DNER: variants seen among roughly 807,000 people sequenced by gnomAD.
The protein encoded by DNER is delta/notch like EGF repeat containing.
In DNER, 33 loss-of-function variants were observed where a neutral mutation model predicts 78.2. That is an observed-to-expected ratio of 0.42 (90% CI 0.32 to 0.56). DNER has a LOEUF of 0.56. DNER is among the 20% of genes least tolerant of loss of function. The pLI, the probability that DNER is intolerant of heterozygous loss-of-function variation, is 0.11. For synonymous variants in DNER, 417 were observed against 384.8 expected (o/e 1.08, Z -0.98); for missense variants, 918 against 975.3 (o/e 0.94, Z 0.78).
At chr2:229,634,752 T>C (rs756954073) in intron 1 of DNER, among the ~76,000 whole-genome samples, 40 of 152,132 alleles carry the variant, frequency 2.6e-4, no homozygotes, top group Non-Finnish European at 2.2e-4. Context: ...AAGGAGTCTG[T>C]CATCACCATG....
intron 1 of DNER, among the ~76,000 whole-genome samples, chr2:229,699,564 C>T (rs1386987303): frequency 6.6e-6 from 1 of 152,086 alleles, no homozygotes; most frequent in Non-Finnish European, 1.5e-5. Context: ...AGGGTTTTGC[C>T]TTGTTGCCCA....
intron 1 of DNER, among the ~76,000 whole-genome samples, chr2:229,707,076 C>T (rs1347556580): frequency 2.0e-5 from 3 of 151,480 alleles, no homozygotes; most frequent in Non-Finnish European, 2.9e-5. Context: ...TGCAGTGATG[C>T]GATCTCGGCT....
At chr2:229,627,619 G>C (rs1343570091) in intron 1 of DNER, among the ~76,000 whole-genome samples, 4 of 152,236 alleles carry the variant, frequency 2.6e-5, no homozygotes, top group African/African-American at 9.6e-5. Context: ...AGGATGCCAT[G>C]TGGAAGAAAG....
In DNER at chr2:229,470,142, T is replaced by G. The variant is rs141538403; in HGVS notation, c.1261+6998A>C. Among the ~76,000 whole-genome samples the G allele has an allele frequency of 3.3e-4, 50 of 152,338 alleles. 2 individuals carry two copies. The East Asian group carries it at 9.6e-3, about 29-fold the overall frequency. On this transcript the variant is annotated intron_variant, in intron 7 of 12. Coordinates refer to ENST00000341772, the MANE Select transcript of DNER (RefSeq NM_139072.4). ...TTTTAAAACTAAAATGTTGTAAGAA[T>G]GCTAAATAATTGTCACGTGCAGATC...
At chr2:229,446,585 T>C (rs1293605050) in intron 8 of DNER, among the ~76,000 whole-genome samples, 1 of 152,194 alleles carries the variant, frequency 6.6e-6, no homozygotes, top group Admixed American at 6.5e-5. Flanking sequence ...AGCCAGCTCG[T>C]GTAAGGATGG....
chr2:229,378,438 C>T (rs1223528304), intron 11 of DNER, among the ~76,000 whole-genome samples: 1 of 152,128 alleles, frequency 6.6e-6, no homozygotes, highest in Non-Finnish European at 1.5e-5. Context: ...GTCCTGAAGG[C>T]AGGGATGACC....
At chr2:229,622,620 T>G (rs1236317821) in intron 1 of DNER, among the ~76,000 whole-genome samples, 2 of 152,246 alleles carry the variant, frequency 1.3e-5, no homozygotes, top group Middle Eastern at 6.8e-3. Context: ...CCCCAGTACC[T>G]CAGAATGTGG....
chr2:229,641,220 C>T (rs1342785683), intron 1 of DNER, among the ~76,000 whole-genome samples: 1 of 152,150 alleles, frequency 6.6e-6, no homozygotes, highest in Non-Finnish European at 1.5e-5. Context: ...GCAAGGCTGA[C>T]TGAACTGGAG....
chr2:229,655,416 C>A (rs116030461), intron 1 of DNER, among the ~76,000 whole-genome samples: 1 of 151,976 alleles, frequency 6.6e-6, no homozygotes, highest in Non-Finnish European at 1.5e-5. Flanking sequence ...AGAGAGGATG[C>A]GATTTAAATA....
chr2:229,633,529 TA>T (rs1698475124), intron 1 of DNER, among the ~76,000 whole-genome samples: 1 of 152,208 alleles, frequency 6.6e-6, no homozygotes, highest in African/African-American at 2.4e-5. Flanking sequence ...TTAGAAAATC[TA>T]AAATGAATCC....
chr2:229,543,543 A>T (rs2154213120), intron 5 of DNER, among the ~76,000 whole-genome samples: 1 of 152,340 alleles, frequency 6.6e-6, no homozygotes, highest in South Asian at 2.1e-4. Context: ...CTCTTACAGG[A>T]CATTTCTCTC....
intron 6 of DNER, among the ~76,000 whole-genome samples, chr2:229,490,806 C>T (rs1186891005): frequency 2.0e-5 from 3 of 152,180 alleles, no homozygotes; most frequent in African/African-American, 7.2e-5. Flanking sequence ...TCCACTCACA[C>T]CTCAGCACAC....
In DNER at chr2:229,454,090, G is replaced by T. The variant is rs1316781705; in HGVS notation, c.1262-6550C>A. Among the ~76,000 whole-genome samples, 3 of 152,148 alleles carry T rather than the reference G, an allele frequency of 2.0e-5. No homozygotes were observed. The East Asian group carries it at 5.8e-4, about 29-fold the overall frequency. ...TGAGAGACGGCATGGAGCAAAGGAA[G>T]CTAGCACAGCCAAGGCCATTCTAGA... is the stretch of plus-strand genomic sequence containing the variant. On this transcript the variant is annotated intron_variant, in intron 7 of 12. Transcript: ENST00000341772.
At chr2:229,497,151 T>C (rs887522908) in intron 6 of DNER, among the ~76,000 whole-genome samples, 1 of 152,156 alleles carries the variant, frequency 6.6e-6, no homozygotes, top group Admixed American at 6.5e-5. Flanking sequence ...AGGAAGCATT[T>C]TAGAAAATTT....
chr2:229,556,704 C>A (rs1021459199), intron 4 of DNER, among the ~76,000 whole-genome samples: 2 of 152,178 alleles, frequency 1.3e-5, no homozygotes, highest in Non-Finnish European at 2.9e-5. Context: ...AAAATGGTTT[C>A]TGTATTAGCT....
At chr2:229,501,221 T>C (rs1053821225) in intron 6 of DNER, among the ~76,000 whole-genome samples, 2 of 151,906 alleles carry the variant, frequency 1.3e-5, no homozygotes, top group East Asian at 1.9e-4. Flanking sequence ...TCCAGAGATC[T>C]ATTGTACAAC....
At chr2:229,698,403 A>C (rs1165317161) in intron 1 of DNER, among the ~76,000 whole-genome samples, 1 of 152,194 alleles carries the variant, frequency 6.6e-6, no homozygotes, top group Admixed American at 6.5e-5. Context: ...TACTACCGGG[A>C]AAGATCTATG....
intron 1 of DNER, among the ~76,000 whole-genome samples, chr2:229,679,088 G>A (rs1258762637): frequency 6.6e-6 from 1 of 152,118 alleles, no homozygotes; most frequent in Non-Finnish European, 1.5e-5. Context: ...CCTCCCAGAG[G>A]CCCTGTAGAC....
intron 11 of DNER, among the ~76,000 whole-genome samples, chr2:229,373,669 G>A (rs1252467975): frequency 6.6e-6 from 1 of 152,124 alleles, no homozygotes; most frequent in Non-Finnish European, 1.5e-5. Flanking sequence ...CAATAGCAAA[G>A]ATACAGAATC....
Sources: gnomAD v4.1 joint callset for allele counts (sites outside exome capture counted in the v4.1 genomes callset) on GRCh38, gnomAD v4.1.1 for gene constraint, MANE v1.5 for transcripts, NCBI Gene and HGNC (gene_info 2026-07-23, HGNC 2026-07-21) for gene names.